The following JPH2 variants were observed in gnomAD, a reference collection of about 807,000 sequenced individuals.
JPH2 encodes the protein junctophilin-2.
Under a neutral mutation model 55.9 loss-of-function variants are expected in JPH2, and 38 were observed. That is an observed-to-expected ratio of 0.68 (90% CI 0.52 to 0.89). JPH2 has a LOEUF of 0.89. Ranked by LOEUF, JPH2 falls within the 40% of genes least tolerant of loss-of-function variation. JPH2 has a pLI of 0.00. For missense variants in JPH2, 964 were observed against 1,037.6 expected (o/e 0.93, Z 0.97); for synonymous variants, 480 against 472.4 (o/e 1.02, Z -0.21).
rs747771906 is a variant in JPH2, at chr20:44,115,815, G to C, written c.1860C>G (p.Ala620=). 15 of 1,604,282 alleles carry C rather than the reference G, an allele frequency of 9.3e-6. No individual in the cohort carries two copies. In the South Asian group the frequency reaches 1.6e-4, roughly 18 times the overall value. Residue 620 remains alanine (A), a synonymous_variant, in exon 4 of 6, where the codon GCC becomes GCG. Transcript: ENST00000372980. ...GGATGATGGGCTTGGGCTCCAGCTT[G>C]GCGGGGGTCTCGCGTGCAGGCTCGG... The part of the protein sequence containing the change: ...RGPEPARETP[A]KLEPKPIIPK...
At chr20:44,132,344 G>GCAGA (rs753004976) in intron 2 of JPH2, among the ~76,000 whole-genome samples, 34 of 72,950 alleles carry the variant, frequency 4.7e-4, no homozygotes, top group East Asian at 2.6e-3. Context: ...TGGAAGGGAG[G>GCAGA]CAGACAGACA....
At position 44,134,320 on chromosome 20, in the gene JPH2, T is replaced by A. The variant is rs1187920117; in HGVS notation, c.1170-15697A>T. On this transcript the variant is annotated intron_variant, in intron 2 of 5. Coordinates refer to ENST00000372980, the MANE Select transcript of JPH2 (RefSeq NM_020433.5). ...AAATATAATAAATATTTATTATAAA[T>A]ATATAATAAATATATAATAAATATT... Among the ~76,000 whole-genome samples, 2 of 3,046 alleles carry A rather than the reference T, an allele frequency of 6.6e-4. 1 individual carries two copies. The highest frequency in any genetic ancestry group is 1.1e-3 in the Non-Finnish European group (2 of 1,750). 2.0% of individuals were successfully genotyped at this position (3,046 alleles called of 152,430 possible).
At chr20:44,176,832 C>A in intron 1 of JPH2, 2 of 978,832 alleles carry the variant, frequency 2.0e-6, no homozygotes, top group Non-Finnish European at 2.4e-6. Context: ...ATAAAGGATT[C>A]CAATTTAATT....
intron 1 of JPH2, among the ~76,000 whole-genome samples, chr20:44,186,032 G>A (rs960978064): frequency 3.9e-5 from 6 of 152,132 alleles, no homozygotes; most frequent in African/African-American, 7.2e-5. Flanking sequence ...GGGGCATACC[G>A]AACATGCTAA....
In JPH2 at chr20:44,160,317, G is replaced by A. The variant is rs772526418; in HGVS notation, c.470C>T (p.Ser157Leu). Reference sequence around the variant, plus strand: ...GGACGACAGCGACGTGCGCAGCGGCGAGCGCACCACCACGGCCATCCCGTA... The same window carrying A: ...GGACGACAGCGACGTGCGCAGCGGCAAGCGCACCACCACGGCCATCCCGTA... ...VPYGMAVVVR[S>L]PLRTSLSSLR... The change falls in exon 2 of 6, where the codon TCG (serine) becomes TTG (leucine). Residue 157 changes from serine (S) to leucine (L), a missense_variant. Physicochemically the swap from Ser to Leu is moderately radical, Grantham distance 145. Coordinates refer to ENST00000372980, the MANE Select transcript of JPH2 (RefSeq NM_020433.5). The surrounding 1 kb of genome is among the most constrained non-coding windows in gnomAD (Gnocchi z 4.9). 1.1e-5 allele frequency: 17 copies of A among 1,562,996 alleles called. No individual in the cohort carries two copies. The South Asian group carries it at 1.8e-4, about 16-fold the overall frequency.
intron 1 of JPH2, among the ~76,000 whole-genome samples, chr20:44,185,055 C>T (rs999555540): frequency 6.6e-6 from 1 of 152,132 alleles, no homozygotes; most frequent in Admixed American, 6.6e-5. Flanking sequence ...AGATTACAGG[C>T]GTGAGCCACG....
chr20:44,122,695 C>T (rs74780086), intron 2 of JPH2, among the ~76,000 whole-genome samples: 3,922 of 152,100 alleles, frequency 0.026, 78 homozygotes, highest in Admixed American at 0.043. Context: ...TGAGAGGCAA[C>T]GCGTGAAAGT....
intron 1 of JPH2, among the ~76,000 whole-genome samples, chr20:44,172,993 A>T (rs1436079946): frequency 1.3e-5 from 2 of 152,236 alleles, no homozygotes; most frequent in Admixed American, 6.5e-5. Flanking sequence ...AGTAAAAAAA[A>T]TCGATATAAC....
intron 2 of JPH2, among the ~76,000 whole-genome samples, chr20:44,149,038 G>A (rs1210308736): frequency 2.7e-5 from 4 of 149,614 alleles, no homozygotes; most frequent in Admixed American, 1.3e-4. Flanking sequence ...CTGCACTCCA[G>A]CCTGGCAACA....
chr20:44,127,183 C>A (rs1349265436), intron 2 of JPH2, among the ~76,000 whole-genome samples: 1 of 152,134 alleles, frequency 6.6e-6, no homozygotes, highest in Non-Finnish European at 1.5e-5. Flanking sequence ...TGTGGATAAA[C>A]CATATTTTGT....
intron 2 of JPH2, among the ~76,000 whole-genome samples, chr20:44,126,531 C>T (rs917115312): frequency 6.6e-6 from 1 of 152,126 alleles, no homozygotes; most frequent in Non-Finnish European, 1.5e-5. Flanking sequence ...TGACCATCTA[C>T]CCCAGAACAA....
In JPH2 at chr20:44,106,968, C is replaced by G. The variant is rs567225118; in HGVS notation, c.*6550G>C. ...TACAAGCAATCCTTGCTCTGGAGCTCCCACTGGGTTGGACTTTGTCAGGCC... is the reference window on the plus strand; with the variant it reads ...TACAAGCAATCCTTGCTCTGGAGCTGCCACTGGGTTGGACTTTGTCAGGCC... On this transcript the variant is annotated 3_prime_UTR_variant, in exon 6 of 6. Coordinates refer to ENST00000372980, the MANE Select transcript of JPH2 (RefSeq NM_020433.5). Among the ~76,000 whole-genome samples the G allele has an allele frequency of 6.6e-6, 1 of 152,270 alleles. No individual in the cohort carries two copies. The highest frequency in any genetic ancestry group is 2.1e-4 in the South Asian group (1 of 4,814).
At position 44,109,035 on chromosome 20, in the gene JPH2, T is replaced by C. The variant is rs146283411; in HGVS notation, c.*4483A>G. Among the ~76,000 whole-genome samples, 3 of 152,266 alleles carry C rather than the reference T, an allele frequency of 2.0e-5. No individual in the cohort carries two copies. Among genetic ancestry groups the C allele is most frequent in the East Asian group, 1.9e-4 (1 of 5,170 alleles). On this transcript the variant is annotated 3_prime_UTR_variant, in exon 6 of 6. Transcript: ENST00000372980. ...AATCATCACATCCACTAATATCCAA[T>C]AGACAAATGTCCCCTGCCACATCCC...
chr20:44,161,211 G>T (rs1411976670), intron 1 of JPH2, among the ~76,000 whole-genome samples: 1 of 152,184 alleles, frequency 6.6e-6, no homozygotes, highest in African/African-American at 2.4e-5. Context: ...GAGTGCCAAA[G>T]AACAAAGTAA....
At chr20:44,161,641 C>T (rs998942060) in intron 1 of JPH2, among the ~76,000 whole-genome samples, 2 of 152,028 alleles carry the variant, frequency 1.3e-5, no homozygotes, top group Admixed American at 1.3e-4. Context: ...ACTCTGAAAG[C>T]AAAGATATGT....
intron 2 of JPH2, among the ~76,000 whole-genome samples, chr20:44,157,708 AAACTGACACTCAG>A (rs2072575581): frequency 6.6e-6 from 1 of 152,202 alleles, no homozygotes; most frequent in South Asian, 2.1e-4. Flanking sequence ...ACAGATGGAG[AAACTGACACTCAG>A]ACAGGCCAAC....
At chr20:44,130,135 G>A (rs145198384) in intron 2 of JPH2, among the ~76,000 whole-genome samples, 10 of 152,288 alleles carry the variant, frequency 6.6e-5, no homozygotes, top group South Asian at 2.1e-4. Context: ...ACTTTACAGC[G>A]GAAGAAACGC....
At chr20:44,178,085 T>C (rs1248501441) in intron 1 of JPH2, 1 of 767,794 alleles carries the variant, frequency 1.3e-6, no homozygotes, top group African/African-American at 1.7e-5. Context: ...ACTCTAAGTC[T>C]CAGTTGCTTA....
chr20:44,151,067 A>G (rs2072526953), intron 2 of JPH2, among the ~76,000 whole-genome samples: 1 of 152,176 alleles, frequency 6.6e-6, no homozygotes, highest in African/African-American at 2.4e-5. Context: ...GTAAATATGG[A>G]AAAATTGCTA....
Sources: gnomAD v4.1 joint callset for allele counts (sites outside exome capture counted in the v4.1 genomes callset) on GRCh38, gnomAD v4.1.1 for gene constraint, Gnocchi (gnomAD v3.1) non-coding constraint, MANE v1.5 for transcripts, NCBI Gene and HGNC (gene_info 2026-07-23, HGNC 2026-07-21) for gene names.